FAF1: variants seen among roughly 807,000 people sequenced by gnomAD.
FAF1 encodes the protein FAS-associated factor 1.
In FAF1, 25 loss-of-function variants were observed where a neutral mutation model predicts 92.5. That is an observed-to-expected ratio of 0.27 (90% CI 0.20 to 0.38). The LOEUF is 0.38. FAF1 is among the 10% of genes least tolerant of loss of function. FAF1 has a pLI of 1.00. For synonymous variants in FAF1, 234 were observed against 273.2 expected (o/e 0.86, Z 1.42); for missense variants, 636 against 793.3 (o/e 0.80, Z 2.38).
In FAF1 at chr1:50,441,371, G is replaced by A. The variant is rs763528596; in HGVS notation, c.*69C>T. 5.2e-6 allele frequency: 5 copies of A among 962,040 alleles called. No individual in the cohort carries two copies. Among genetic ancestry groups the A allele is most frequent in the South Asian group, 1.8e-5 (1 of 56,698 alleles). The allele number at this position is 962,040 out of a possible 1,614,324, so 59.6% of individuals were successfully genotyped here. A position where few individuals can be genotyped will look rare whatever the true frequency, so the allele number is the denominator to read the frequency against. On this transcript the variant is annotated 3_prime_UTR_variant, in exon 19 of 19. Transcript: ENST00000396153. ...GAGACGAGCGTGTGGGTGGGTTGGC[G>A]AGGAGCCCTTCTCCTGACGCAGGCT... is the stretch of plus-strand genomic sequence containing the variant.
intron 2 of FAF1, among the ~76,000 whole-genome samples, chr1:50,841,237 C>T (rs531253063): frequency 1.3e-5 from 2 of 152,090 alleles, no homozygotes; most frequent in Admixed American, 6.5e-5. Context: ...GCCCTTGACA[C>T]ATATATATAA....
chr1:50,646,171 T>TAA (rs1654573754), intron 8 of FAF1, among the ~76,000 whole-genome samples: 1 of 152,134 alleles, frequency 6.6e-6, no homozygotes, highest in African/African-American at 2.4e-5. Flanking sequence ...AATAGTAATG[T>TAA]TAGGATTCAA....
In FAF1 at chr1:50,518,889, C is replaced by T. The variant is rs76967973; in HGVS notation, c.1494+16480G>A. 7.6e-3 allele frequency among the ~76,000 whole-genome samples: 1,155 copies of T among 152,262 alleles called. 12 individuals carry two copies. The highest frequency in any genetic ancestry group is 0.071 in the Middle Eastern group (21 of 294). ...TGGCTGAACCACTTTGTATTCTTGA[C>T]GGCAGTGAATAATAGCTTTGGTTGT... is the stretch of plus-strand genomic sequence containing the variant. On this transcript the variant is annotated intron_variant, in intron 15 of 18. Transcript: ENST00000396153.
intron 4 of FAF1, among the ~76,000 whole-genome samples, chr1:50,773,463 G>A (rs971232809): frequency 2.0e-5 from 3 of 152,036 alleles, no homozygotes; most frequent in Non-Finnish European, 4.4e-5. Flanking sequence ...ACAAAAATGT[G>A]GTATATACAC....
rs1378389336 is a variant in FAF1, at chr1:50,759,301, T to TC, written c.368-14527dup. The stretch of plus-strand genomic sequence containing the variant: ...ATCTCCTAAAGTTATCCCTCCCCCC[T>TC]CCCCCCCACCCCACAACAGTCCCCA... On this transcript the variant is annotated intron_variant, in intron 4 of 18. Coordinates refer to ENST00000396153, the MANE Select transcript of FAF1 (RefSeq NM_007051.3). 2.8e-4 allele frequency among the ~76,000 whole-genome samples: 9 copies of TC among 32,610 alleles called. No individual in the cohort carries two copies. In the Admixed American group the frequency reaches 3.5e-3, roughly 13 times the overall value. 21.4% of individuals were successfully genotyped at this position (32,610 alleles called of 152,430 possible). A position where few individuals can be genotyped will look rare whatever the true frequency, so the allele number is the denominator to read the frequency against.
At chr1:50,442,512 G>C (rs1646180744) in intron 18 of FAF1, among the ~76,000 whole-genome samples, 1 of 152,216 alleles carries the variant, frequency 6.6e-6, no homozygotes, top group Non-Finnish European at 1.5e-5. Flanking sequence ...CTGTGTGTGA[G>C]AGCAACTGTA....
At chr1:50,768,815 G>A (rs1660673240) in intron 4 of FAF1, among the ~76,000 whole-genome samples, 1 of 152,034 alleles carries the variant, frequency 6.6e-6, no homozygotes, top group African/African-American at 2.4e-5. Context: ...AACACTAAAT[G>A]TCCACAGCAA....
chr1:50,816,147 C>A (rs187827255), intron 2 of FAF1, among the ~76,000 whole-genome samples: 2 of 148,660 alleles, frequency 1.3e-5, no homozygotes, highest in Non-Finnish European at 1.5e-5. Flanking sequence ...GGCCATTATA[C>A]GTCTTATTTT....
intron 18 of FAF1, among the ~76,000 whole-genome samples, chr1:50,468,459 A>AT (rs370937786): frequency 0.13 from 16,947 of 130,688 alleles, 1,704 homozygotes; most frequent in African/African-American, 0.26. Flanking sequence ...CACTTGGCTA[A>AT]TTTTTTTTTT....
intron 17 of FAF1, among the ~76,000 whole-genome samples, chr1:50,488,949 T>C (rs952781839): frequency 3.9e-5 from 6 of 152,346 alleles, no homozygotes; most frequent in East Asian, 1.9e-4. Context: ...ATATATGTGA[T>C]AGATACTCAC....
chr1:50,686,468 G>A (rs1328634860), intron 7 of FAF1, among the ~76,000 whole-genome samples: 1 of 152,026 alleles, frequency 6.6e-6, no homozygotes, highest in East Asian at 1.9e-4. Flanking sequence ...CTTGAACCTG[G>A]GAGGTGGAAG....
At chr1:50,635,472 C>A (rs963750097) in intron 8 of FAF1, among the ~76,000 whole-genome samples, 2 of 152,198 alleles carry the variant, frequency 1.3e-5, no homozygotes, top group Non-Finnish European at 2.9e-5. Context: ...GTCACCCAGG[C>A]TGGAGTGCAG....
chr1:50,471,357 A>G (rs956394087), intron 18 of FAF1, among the ~76,000 whole-genome samples: 1 of 152,112 alleles, frequency 6.6e-6, no homozygotes, highest in African/African-American at 2.4e-5. Flanking sequence ...GAATTTGTAT[A>G]CCCCAAATTT....
chr1:50,572,773 AAATCAGTAGT>A (rs1380741024), intron 12 of FAF1, among the ~76,000 whole-genome samples: 2 of 152,218 alleles, frequency 1.3e-5, no homozygotes, highest in Non-Finnish European at 2.9e-5. Context: ...TAAGGCTGGC[AAATCAGTAGT>A]AATGAGTAGT....
At chr1:50,940,589 T>C (rs897984630) in intron 1 of FAF1, among the ~76,000 whole-genome samples, 1 of 152,228 alleles carries the variant, frequency 6.6e-6, no homozygotes, top group African/African-American at 2.4e-5. Flanking sequence ...CAAGTTCTAC[T>C]ACTAGGACGT....
At chr1:50,744,561 A>G (rs1659513536) in intron 5 of FAF1, 123 bp downstream of exon 5, 1 of 663,898 alleles carries the variant, frequency 1.5e-6, no homozygotes, top group East Asian at 2.7e-5. Flanking sequence ...CTTAAACTAA[A>G]TTACTATTGC....
chr1:50,816,663 C>T (rs1194727354), intron 2 of FAF1, among the ~76,000 whole-genome samples: 1 of 152,120 alleles, frequency 6.6e-6, no homozygotes. Context: ...GCTTCTTTTG[C>T]TCGGCAGAAG....
At chr1:50,806,335 G>A (rs1662199131) in intron 2 of FAF1, among the ~76,000 whole-genome samples, 1 of 152,098 alleles carries the variant, frequency 6.6e-6, no homozygotes, top group South Asian at 2.1e-4. Context: ...CACACCCAAT[G>A]GTTAAATTAA....
chr1:50,459,550 C>T (rs1439200662), intron 18 of FAF1, among the ~76,000 whole-genome samples: 14 of 152,186 alleles, frequency 9.2e-5, no homozygotes, highest in Admixed American at 9.2e-4. Flanking sequence ...TAAGTCACCT[C>T]TGAAAACTTC....
Sources: gnomAD v4.1 joint callset for allele counts (sites outside exome capture counted in the v4.1 genomes callset) on GRCh38, gnomAD v4.1.1 for gene constraint, MANE v1.5 for transcripts, NCBI Gene and HGNC (gene_info 2026-07-23, HGNC 2026-07-21) for gene names.